The following LARS2 variants were observed in gnomAD, a reference collection of about 807,000 sequenced individuals.
LARS2 encodes the protein leucyl-tRNA synthetase 2, mitochondrial, also known as leucine--tRNA ligase, mitochondrial.
A neutral mutation model predicts 116.6 loss-of-function variants in LARS2; 81 were observed. The observed-to-expected ratio is 0.69, with a 90% CI of 0.58 to 0.84. The LOEUF (loss-of-function observed/expected upper bound fraction) is 0.84, where lower values mean the gene tolerates loss of function less well. LARS2 is among the 40% of genes least tolerant of loss of function. LARS2 has a pLI of 0.00. For synonymous variants in LARS2, 396 were observed against 407.2 expected (o/e 0.97, Z 0.33); for missense variants, 968 against 1,114.5 (o/e 0.87, Z 1.87).
intron 15 of LARS2, among the ~76,000 whole-genome samples, chr3:45,507,375 G>A (rs1700215592): frequency 6.6e-6 from 1 of 152,044 alleles, no homozygotes; most frequent in Non-Finnish European, 1.5e-5. Context: ...TTTCTGAAAA[G>A]CAGTTTGGCA....
chr3:45,535,688 C>A (rs1418429409), intron 20 of LARS2, among the ~76,000 whole-genome samples: 2 of 151,972 alleles, frequency 1.3e-5, no homozygotes, highest in Admixed American at 1.3e-4. Context: ...ACTCTTCTGG[C>A]TCTTGGCTGT....
chr3:45,547,660 T>A lies in LARS2; in HGVS notation c.*130T>A. On this transcript the variant is annotated 3_prime_UTR_variant, in exon 22 of 22. Coordinates refer to ENST00000645846, the MANE Select transcript of LARS2 (RefSeq NM_015340.4). ...GTCTTGACTGTTGACCTCGGTCCTG[T>A]GGCAGACTGCAGTCAACAGTGTGCC... The A allele has an allele frequency of 1.2e-6, 1 of 820,280 alleles. No individual in the cohort carries two copies. Among genetic ancestry groups the A allele is most frequent in the Non-Finnish European group, 1.9e-6 (1 of 525,220 alleles). 50.8% of individuals were successfully genotyped at this position (820,280 alleles called of 1,614,324 possible).
intron 21 of LARS2, among the ~76,000 whole-genome samples, chr3:45,545,607 G>A (rs960399216): frequency 1.3e-5 from 2 of 152,214 alleles, no homozygotes; most frequent in Non-Finnish European, 2.9e-5. Flanking sequence ...CCAGAACCGT[G>A]TGAGGGTGCC....
intron 10 of LARS2, 92 bp downstream of exon 10, chr3:45,476,719 A>C: frequency 7.6e-7 from 1 of 1,315,608 alleles, no homozygotes. Context: ...CCTCTATGTC[A>C]TCTTGCGTGG....
intron 4 of LARS2, among the ~76,000 whole-genome samples, chr3:45,410,727 A>G (rs1170326801): frequency 4.6e-5 from 7 of 152,194 alleles, no homozygotes; most frequent in African/African-American, 1.7e-4. Flanking sequence ...ATGGCTTCTG[A>G]CCAAGGAGAA....
At chr3:45,427,849 T>G (rs1375487273) in intron 6 of LARS2, among the ~76,000 whole-genome samples, 3 of 150,120 alleles carry the variant, frequency 2.0e-5, no homozygotes, top group Non-Finnish European at 4.4e-5. Flanking sequence ...GAGGCGGAGT[T>G]TTGCTCTTCT....
At chr3:45,441,894 T>C (rs1192209413) in intron 6 of LARS2, among the ~76,000 whole-genome samples, 1 of 152,176 alleles carries the variant, frequency 6.6e-6, no homozygotes, top group African/African-American at 2.4e-5. Flanking sequence ...GCAAAATATT[T>C]TTAATGCTAA....
intron 20 of LARS2, among the ~76,000 whole-genome samples, chr3:45,537,619 T>C (rs969323100): frequency 6.6e-6 from 1 of 152,130 alleles, no homozygotes; most frequent in Non-Finnish European, 1.5e-5. Flanking sequence ...AGTGGCCTCC[T>C]TCCTATTCAC....
intron 6 of LARS2, among the ~76,000 whole-genome samples, chr3:45,428,579 A>G (rs755104041): frequency 6.6e-6 from 1 of 152,064 alleles, no homozygotes; most frequent in Non-Finnish European, 1.5e-5. Flanking sequence ...GTTCATTGCT[A>G]TTAAGTACAT....
intron 8 of LARS2, among the ~76,000 whole-genome samples, chr3:45,468,542 A>G (rs1377532804): frequency 1.3e-5 from 2 of 152,182 alleles, no homozygotes; most frequent in Admixed American, 1.3e-4. Context: ...ATCAGAAGCA[A>G]TCTCATCAGA....
At position 45,548,896 on chromosome 3, in the gene LARS2, A is replaced by G. The variant is rs1360351978; in HGVS notation, c.*1366A>G. On this transcript the variant is annotated 3_prime_UTR_variant, in exon 22 of 22. Transcript: ENST00000645846. ...ATATTCCAATTTCAGAGTTAATTAC[A>G]AACAGATTGAGGTATTCCATCATCA... 6.6e-6 allele frequency: 1 copy of G among 152,224 alleles called. No individual in the cohort carries two copies. Among genetic ancestry groups the G allele is most frequent in the Non-Finnish European group, 1.5e-5 (1 of 68,050 alleles). The allele number at this position is 152,224 out of a possible 1,614,324, so 9.4% of individuals were successfully genotyped here.
At chr3:45,544,522 A>C (rs969258602) in intron 21 of LARS2, among the ~76,000 whole-genome samples, 1 of 152,228 alleles carries the variant, frequency 6.6e-6, no homozygotes. Flanking sequence ...ACCCAGGGCC[A>C]CGCTCTGCCC....
chr3:45,505,085 T>C (rs35269084), intron 15 of LARS2, among the ~76,000 whole-genome samples: 41,194 of 150,260 alleles, frequency 0.27, 6,139 homozygotes, highest in Middle Eastern at 0.4. Flanking sequence ...TGTCTAAAAA[T>C]TAAAAAAAAA....
intron 6 of LARS2, among the ~76,000 whole-genome samples, chr3:45,432,126 A>G (rs1305482506): frequency 4.6e-5 from 7 of 152,200 alleles, no homozygotes; most frequent in African/African-American, 1.7e-4. Flanking sequence ...ATAAATGTTT[A>G]TGTACCTAAT....
At chr3:45,522,469 G>A (rs747830471) in intron 19 of LARS2, among the ~76,000 whole-genome samples, 1 of 152,200 alleles carries the variant, frequency 6.6e-6, no homozygotes, top group Non-Finnish European at 1.5e-5. Context: ...AGTGGCTCAC[G>A]CCTGTAATCC....
chr3:45,489,245 G>A (rs1435677811), intron 12 of LARS2, among the ~76,000 whole-genome samples: 1 of 152,146 alleles, frequency 6.6e-6, no homozygotes, highest in Non-Finnish European at 1.5e-5. Flanking sequence ...GTTATCTCTT[G>A]CTAGCATGAA....
chr3:45,445,155 A>T lies in LARS2; in HGVS notation c.517-1736A>T, dbSNP rs79069975. On this transcript the variant is annotated intron_variant, in intron 6 of 21. Coordinates refer to ENST00000645846, the MANE Select transcript of LARS2 (RefSeq NM_015340.4). ...AACCTACATGAAGGAATCAAATTTG[A>T]TTCAATGTCAGTAGTTCATATCTCT... Among the ~76,000 whole-genome samples, 1,131 of 152,294 alleles carry T rather than the reference A, an allele frequency of 7.4e-3. 55 individuals carry two copies. The East Asian group carries it at 0.12, about 17-fold the overall frequency.
intron 6 of LARS2, among the ~76,000 whole-genome samples, chr3:45,439,658 G>A (rs532835000): frequency 2.0e-5 from 3 of 151,066 alleles, no homozygotes; most frequent in South Asian, 2.1e-4. Flanking sequence ...TTGTGAAAAC[G>A]GAGGATTGAA....
rs768935434 is a variant in LARS2, at chr3:45,417,586, A to G, written c.455+13A>G. The G allele has an allele frequency of 1.8e-5, 28 of 1,596,138 alleles. No individual in the cohort carries two copies. Among genetic ancestry groups the G allele is most frequent in the Admixed American group, 1.0e-4 (6 of 59,088 alleles). On this transcript the variant is annotated intron_variant, in intron 5 of 21. Transcript: ENST00000645846. ...GTTGGACACAAAGGTAAGTGTTTAC[A>G]GGCATATTCAAATACTTGCATACAA...
Sources: gnomAD v4.1 joint callset for allele counts (sites outside exome capture counted in the v4.1 genomes callset) on GRCh38, gnomAD v4.1.1 for gene constraint, MANE v1.5 for transcripts, NCBI Gene and HGNC (gene_info 2026-07-23, HGNC 2026-07-21) for gene names.